The following JUP variants were observed in gnomAD, a reference collection of about 807,000 sequenced individuals.
The protein encoded by JUP is catenin (cadherin-associated protein), gamma 80kDa.
JUP carries 28 observed loss-of-function variants against 71.1 expected under a neutral mutation model. The observed-to-expected ratio is 0.39, with a 90% confidence interval of 0.29 to 0.54. The LOEUF (loss-of-function observed/expected upper bound fraction) is 0.54, where lower values mean the gene tolerates loss of function less well. Among genes scored for constraint, JUP ranks in the 20% least tolerant of loss-of-function variants. The pLI, the probability that JUP is intolerant of heterozygous loss-of-function variation, is 0.62. For missense variants in JUP, 869 were observed against 1,030.1 expected, an observed-to-expected ratio of 0.84 and a Z score of 2.14; for synonymous variants, 401 against 438.9, an observed-to-expected ratio of 0.91 and a Z score of 1.08.
chr17:41,762,302 T>A (rs1915029586), intron 8 of JUP, among the ~76,000 whole-genome samples: 1 of 151,538 alleles, frequency 6.6e-6, no homozygotes. Flanking sequence ...CTCAAACTCC[T>A]GGCCTCAAGT....
At chr17:41,761,605 A>G (rs1914818241) in intron 8 of JUP, among the ~76,000 whole-genome samples, 1 of 152,100 alleles carries the variant, frequency 6.6e-6, no homozygotes, top group Non-Finnish European at 1.5e-5. Context: ...AGAAGTCAGG[A>G]GTTCAAGACC....
At chr17:41,769,817 A>G in intron 2 of JUP, 140 bp from the exon 3 acceptor site, 2 of 899,200 alleles carry the variant, frequency 2.2e-6, no homozygotes, top group Non-Finnish European at 3.3e-6. Context: ...ATGACTGGCC[A>G]TTCTACCTCT....
chr17:41,762,142 A>T (rs1914919312), intron 8 of JUP, among the ~76,000 whole-genome samples: 1 of 103,948 alleles, frequency 9.6e-6, no homozygotes, highest in Non-Finnish European at 2.1e-5. Context: ...AGAGAGAGAG[A>T]GAGAGAGAGA....
At chr17:41,769,958 C>T (rs1172814372) in intron 2 of JUP, among the ~76,000 whole-genome samples, 1 of 149,432 alleles carries the variant, frequency 6.7e-6, no homozygotes, top group African/African-American at 2.5e-5. Context: ...GAATTCAATG[C>T]CCTGCTTATA....
At chr17:41,785,696 T>C (rs1393940742) in intron 1 of JUP, among the ~76,000 whole-genome samples, 5 of 152,196 alleles carry the variant, frequency 3.3e-5, no homozygotes, top group Admixed American at 6.5e-5. Flanking sequence ...TTGGGTGATT[T>C]TTTCCAACAA....
intron 1 of JUP, among the ~76,000 whole-genome samples, chr17:41,782,642 C>T (rs1260297203): frequency 6.6e-6 from 1 of 152,122 alleles, no homozygotes; most frequent in Non-Finnish European, 1.5e-5. Context: ...AAGCCGCTTC[C>T]ACCGGAAACT....
At chr17:41,769,342 C>T (rs1406875334) in intron 3 of JUP, 76 bp downstream of exon 3, 1 of 1,575,950 alleles carries the variant, frequency 6.3e-7, no homozygotes, top group Non-Finnish European at 8.6e-7. Context: ...TCCACCCCTA[C>T]AATGTCCCTC....
chr17:41,765,062 G>A lies in JUP; in HGVS notation c.915C>T (p.Ile305=), dbSNP rs1555603469. The change falls in exon 6 of 14, where the codon ATC becomes ATT. Residue 305 remains isoleucine (I), a synonymous_variant. Transcript: ENST00000393931. ...CCTGGGGCCCACCATTGGCCAGGAT[G>A]ATCAGCTATGGGTAAAGAGGGAATG... The part of the protein sequence containing the change: ...LAYGNQESKL[I]ILANGGPQAL... 2 of 1,614,052 alleles carry A rather than the reference G, an allele frequency of 1.2e-6. No individual in the cohort carries two copies. The highest frequency in any genetic ancestry group is 2.2e-5 in the South Asian group (2 of 91,050).
chr17:41,755,936 C>T (rs782653458), intron 13 of JUP, 41 bp from the exon 14 acceptor site: 6 of 1,583,728 alleles, frequency 3.8e-6, no homozygotes, highest in African/African-American at 1.3e-5. Context: ...GGTCTGCAAG[C>T]TACCCTGCAG....
intron 1 of JUP, chr17:41,785,765 C>T (rs1285392230): frequency 6.6e-6 from 1 of 152,424 alleles, no homozygotes; most frequent in Non-Finnish European, 1.5e-5. Flanking sequence ...GCCACAGCTA[C>T]TGGAAACTGG....
At chr17:41,783,658 C>G (rs906856079) in intron 1 of JUP, among the ~76,000 whole-genome samples, 1 of 151,940 alleles carries the variant, frequency 6.6e-6, no homozygotes, top group Non-Finnish European at 1.5e-5. Context: ...AGGTGGCTCA[C>G]GCCTGTAATC....
At chr17:41,780,294 A>G (rs1464879195) in intron 1 of JUP, among the ~76,000 whole-genome samples, 1 of 151,952 alleles carries the variant, frequency 6.6e-6, no homozygotes, top group Non-Finnish European at 1.5e-5. Context: ...GCTACTTGGG[A>G]GGCTGGGCGG....
Position 41,763,023 on chromosome 17 carries a change from A to C in JUP, c.1457T>G (p.Val486Gly), listed in dbSNP as rs2143558868. Reference protein sequence around the residue: ...VRLNYGIPAIVKLLNQPNQWP... With the variant: ...VRLNYGIPAIGKLLNQPNQWP... ...CTGGTTGGGCTGGTTGAGCAGCTTC[A>C]CGATGGCTGGGATGCCATAGTTGAG... The change falls in exon 8 of 14, where the codon GTG (valine) becomes GGG (glycine). Residue 486 changes from valine (V) to glycine (G), a missense_variant. Physicochemically the swap from Val to Gly is moderately radical, Grantham distance 109. Coordinates refer to ENST00000393931, the MANE Select transcript of JUP (RefSeq NM_002230.4). 6.2e-7 allele frequency: 1 copy of C among 1,614,176 alleles called. No homozygotes were observed. Among genetic ancestry groups the C allele is most frequent in the Non-Finnish European group, 8.5e-7 (1 of 1,180,032 alleles).
intron 1 of JUP, among the ~76,000 whole-genome samples, chr17:41,780,694 C>CA (rs2047115617): frequency 1.1e-5 from 1 of 94,422 alleles, no homozygotes. Flanking sequence ...GACTCCATCT[C>CA]AAAAAACAAA....
intron 1 of JUP, among the ~76,000 whole-genome samples, chr17:41,775,778 G>A (rs1665474941): frequency 6.6e-6 from 1 of 152,188 alleles, no homozygotes; most frequent in Non-Finnish European, 1.5e-5. Flanking sequence ...GAGAGGGGGT[G>A]CAGAGGACCC....
chr17:41,755,152 G>A lies in JUP; in HGVS notation c.*592C>T, dbSNP rs1467428120. 1 of 398,078 alleles carries A rather than the reference G, an allele frequency of 2.5e-6. No individual in the cohort carries two copies. The highest frequency in any genetic ancestry group is 4.4e-6 in the Non-Finnish European group (1 of 226,172). The allele number at this position is 398,078 out of a possible 1,614,324, so 24.7% of individuals were successfully genotyped here. A position where few individuals can be genotyped will look rare whatever the true frequency, so the allele number is the denominator to read the frequency against. On this transcript the variant is annotated 3_prime_UTR_variant, in exon 14 of 14. Transcript: ENST00000393931. ...GGCCCAGGCAGCTGGAGACAGGGAG[G>A]CTGGAGGTTTGGAGGGGCGTTGCTG...
At chr17:41,760,897 G>A (rs1423557788) in intron 8 of JUP, among the ~76,000 whole-genome samples, 2 of 152,144 alleles carry the variant, frequency 1.3e-5, no homozygotes, top group South Asian at 2.1e-4. Flanking sequence ...TGTAGCTGGC[G>A]GATGCCCCTG....
Position 41,769,520 on chromosome 17 carries a change from C to T in JUP, c.366G>A (p.Leu122=). The change falls in exon 3 of 14, where the codon CTG becomes CTA. Residue 122 remains leucine, a synonymous_variant. Coordinates refer to ENST00000393931, the MANE Select transcript of JUP (RefSeq NM_002230.4). ...TGAGATGCACAATGGCCGACTTGAG[C>T]AGCTGGGACGGCTCGGCCAGTCGCT... The part of the protein sequence containing the change: ...NLQRLAEPSQ[L]LKSAIVHLIN... 2 of 1,612,388 alleles carry T rather than the reference C, an allele frequency of 1.2e-6. No homozygotes were observed. Among genetic ancestry groups the T allele is most frequent in the Non-Finnish European group, 1.7e-6 (2 of 1,179,486 alleles).
At chr17:41,778,056 G>T (rs2046969671) in intron 1 of JUP, among the ~76,000 whole-genome samples, 1 of 152,342 alleles carries the variant, frequency 6.6e-6, no homozygotes, top group Middle Eastern at 3.4e-3. Context: ...TCATTCCACT[G>T]CCTCCAACCA....
Sources: gnomAD v4.1 joint callset for allele counts (sites outside exome capture counted in the v4.1 genomes callset) on GRCh38, gnomAD v4.1.1 for gene constraint, MANE v1.5 for transcripts, NCBI Gene and HGNC (gene_info 2026-07-23, HGNC 2026-07-21) for gene names.